EML1: variants seen among roughly 807,000 people sequenced by gnomAD.
The protein encoded by EML1 is echinoderm microtubule-associated protein-like 1.
EML1 carries 27 observed loss-of-function variants against 110.4 expected under a neutral mutation model. The ratio of observed to expected loss-of-function variants is 0.24; its 90% CI spans 0.18 to 0.34. The LOEUF (loss-of-function observed/expected upper bound fraction) is 0.34, where lower values mean the gene tolerates loss of function less well. Ranked by LOEUF, EML1 falls within the 10% of genes least tolerant of loss-of-function variation. The pLI, the probability that EML1 is intolerant of heterozygous loss-of-function variation, is 1.00. For missense variants in EML1, 741 were observed against 1,030.9 expected (o/e 0.72, Z 3.85); for synonymous variants, 344 against 385.8 (o/e 0.89, Z 1.27).
rs2295788 is a variant in EML1 at position 99,937,730 on chromosome 14, A to G, written c.2096-87A>G. On this transcript the variant is annotated intron_variant, in intron 19 of 21. Transcript: ENST00000262233. ...CTCTCCAGGAAGGGCTCTGTACCCA[A>G]CGGGGCACAGCTCTGGGGGCTCAGC... 373,954 of 1,231,844 alleles carry G rather than the reference A, an allele frequency of 0.3. 65,278 individuals carry two copies. The highest frequency in any genetic ancestry group is 0.7 in the African/African-American group (47,057 of 66,882). 76.3% of individuals were successfully genotyped at this position (1,231,844 alleles called of 1,614,324 possible).
In EML1 at chr14:99,847,419, T is replaced by C. The variant is rs1190472923; in HGVS notation, c.68-3434T>C. On this transcript the variant is annotated intron_variant, in intron 1 of 21. Transcript: ENST00000262233. Reference sequence around the variant, plus strand: ...AGGCTGGAGTGCAGTGGCGTGATCATAGTTCACTGTAGACCTGATCTCCTG... The same window carrying C: ...AGGCTGGAGTGCAGTGGCGTGATCACAGTTCACTGTAGACCTGATCTCCTG... 3.3e-5 allele frequency among the ~76,000 whole-genome samples: 5 copies of C among 152,148 alleles called. No homozygotes were observed. In the East Asian group the frequency reaches 9.6e-4, roughly 29 times the overall value.
intron 1 of EML1, among the ~76,000 whole-genome samples, chr14:99,848,475 A>G (rs1442015023): frequency 6.6e-6 from 1 of 152,158 alleles, no homozygotes; most frequent in African/African-American, 2.4e-5. Context: ...GTTGTATACA[A>G]TATATACAAT....
At chr14:99,903,863 A>T (rs1353283846) in intron 9 of EML1, among the ~76,000 whole-genome samples, 2 of 149,496 alleles carry the variant, frequency 1.3e-5, no homozygotes, top group Non-Finnish European at 3.0e-5. Flanking sequence ...AGCTCACTGC[A>T]ACCTCCACCT....
At chr14:99,818,571 A>G (rs1396465863) in intron 1 of EML1, among the ~76,000 whole-genome samples, 1 of 152,126 alleles carries the variant, frequency 6.6e-6, no homozygotes, top group Non-Finnish European at 1.5e-5. Context: ...GACCATGCGA[A>G]CTTCATGTAT....
rs185273704 is a variant in EML1, at chr14:99,754,095, G to A, written c.28+16235G>A. Among the ~76,000 whole-genome samples the A allele has an allele frequency of 1.8e-4, 28 of 152,366 alleles. No individual in the cohort carries two copies. The East Asian group carries it at 4.8e-3, about 26-fold the overall frequency. ...TCTCTGGGACTCAGTTTCCTGATCT[G>A]TGAAATGGGGGAAGCTGCAGTTGCT... On this transcript the variant is annotated intron_variant, in intron 1 of 10. Transcript: ENST00000554479.
chr14:99,929,748 T>G (rs2060332042), intron 17 of EML1, among the ~76,000 whole-genome samples: 1 of 152,176 alleles, frequency 6.6e-6, no homozygotes, highest in Non-Finnish European at 1.5e-5. Flanking sequence ...AAACACAGAT[T>G]GTCATTGACA....
Position 99,745,506 on chromosome 14 carries a change from G to C in EML1, c.28+7646G>C, listed in dbSNP as rs111551194. ...TCACACATTGCTTTGTATGAGATAA[G>C]ATCTGGTTTAAAAATAATGTTTGCA... On this transcript the variant is annotated intron_variant, in intron 1 of 10. Coordinates refer to the EML1 transcript ENST00000554479. Among the ~76,000 whole-genome samples, 161 of 152,342 alleles carry C rather than the reference G, an allele frequency of 1.1e-3. 2 individuals are homozygous for C. Among genetic ancestry groups the C allele is most frequent in the African/African-American group, 3.7e-3 (152 of 41,566 alleles).
At chr14:99,891,952 C>T (rs1331434478) in intron 5 of EML1, among the ~76,000 whole-genome samples, 7 of 152,328 alleles carry the variant, frequency 4.6e-5, no homozygotes, top group Middle Eastern at 3.4e-3. Flanking sequence ...AAATTACTCA[C>T]TGAAAATGTA....
chr14:99,872,713 C>G (rs916595364), intron 3 of EML1, among the ~76,000 whole-genome samples: 3 of 152,134 alleles, frequency 2.0e-5, no homozygotes, highest in African/African-American at 7.2e-5. Flanking sequence ...CTATAGATCT[C>G]TCATTAGGAG....
intron 12 of EML1, among the ~76,000 whole-genome samples, chr14:99,911,202 G>A (rs75784663): frequency 6.6e-6 from 1 of 152,222 alleles, no homozygotes; most frequent in East Asian, 1.9e-4. Context: ...TCAACCATGC[G>A]GCTTCAACAA....
intron 1 of EML1, among the ~76,000 whole-genome samples, chr14:99,754,297 G>A (rs904899644): frequency 2.6e-5 from 4 of 152,216 alleles, no homozygotes; most frequent in African/African-American, 4.8e-5. Context: ...CCAGCTTGGC[G>A]GGGTCGGCCA....
intron 1 of EML1, among the ~76,000 whole-genome samples, chr14:99,802,448 G>A (rs2057898494): frequency 6.6e-6 from 1 of 151,998 alleles, no homozygotes. Context: ...AGAGGTGGGG[G>A]GCCATGGCAG....
chr14:99,779,062 A>G (rs893285241), intron 1 of EML1, among the ~76,000 whole-genome samples: 1 of 152,154 alleles, frequency 6.6e-6, no homozygotes, highest in African/African-American at 2.4e-5. Context: ...CTAGAAATTC[A>G]TGTGTCATGT....
At chr14:99,873,020 C>G (rs941364398) in intron 3 of EML1, among the ~76,000 whole-genome samples, 1 of 152,094 alleles carries the variant, frequency 6.6e-6, no homozygotes, top group Admixed American at 6.6e-5. Flanking sequence ...GATTTGGAAT[C>G]CTTGGGAAAA....
intron 10 of EML1, 94 bp from the exon 11 acceptor site, chr14:99,909,251 T>C: frequency 6.3e-7 from 1 of 1,578,596 alleles, no homozygotes; most frequent in South Asian, 1.1e-5. Context: ...TTGAATTTCT[T>C]ATTTATTTGT....
At chr14:99,926,053 C>G (rs865996968) in intron 17 of EML1, among the ~76,000 whole-genome samples, 1 of 152,284 alleles carries the variant, frequency 6.6e-6, no homozygotes, top group South Asian at 2.1e-4. Flanking sequence ...GTGAGGGCAG[C>G]CCAGGGAAGA....
At chr14:99,810,021 G>A (rs1566876473) in intron 1 of EML1, among the ~76,000 whole-genome samples, 2 of 152,226 alleles carry the variant, frequency 1.3e-5, no homozygotes, top group South Asian at 2.1e-4. Context: ...TGGTTCCTGG[G>A]TGGTTCCTGC....
chr14:99,746,421 G>T (rs977085487), intron 1 of EML1, among the ~76,000 whole-genome samples: 3 of 152,342 alleles, frequency 2.0e-5, no homozygotes, highest in African/African-American at 7.2e-5. Flanking sequence ...CCTGGATGGA[G>T]GCTTGGCCCT....
intron 3 of EML1, among the ~76,000 whole-genome samples, chr14:99,877,157 T>C (rs1360395964): frequency 2.6e-5 from 4 of 152,100 alleles, no homozygotes; most frequent in African/African-American, 9.7e-5. Context: ...ATGAGGGCTG[T>C]CTTCCAGGTT....
Sources: gnomAD v4.1 joint callset for allele counts (sites outside exome capture counted in the v4.1 genomes callset) on GRCh38, gnomAD v4.1.1 for gene constraint, MANE v1.5 for transcripts, NCBI Gene and HGNC (gene_info 2026-07-23, HGNC 2026-07-21) for gene names.